HTT-AS: variants seen among roughly 807,000 people sequenced by gnomAD.
The protein encoded by HTT-AS is HTT antisense RNA.
At chr4:3,072,575 G>A (rs1712200188) in intron 1 of HTT-AS, among the ~76,000 whole-genome samples, 1 of 152,202 alleles carries the variant, frequency 6.6e-6, no homozygotes, top group Non-Finnish European at 1.5e-5. Flanking sequence ...TAACAACCTT[G>A]AGGCCTGACA....
chr4:3,072,092 C>T (rs1050386206), intron 1 of HTT-AS, among the ~76,000 whole-genome samples: 12 of 152,342 alleles, frequency 7.9e-5, no homozygotes, highest in African/African-American at 2.9e-4. Context: ...TATCGTCACA[C>T]GTTCTGTGGG....
chr4:3,056,301 A>G (rs1330061659), intron 2 of HTT-AS, among the ~76,000 whole-genome samples: 1 of 152,246 alleles, frequency 6.6e-6, no homozygotes, highest in Non-Finnish European at 1.5e-5. Context: ...GGGATGCTTC[A>G]TGGTCAGAAC....
chr4:3,058,346 G>A (rs990445583), intron 2 of HTT-AS, among the ~76,000 whole-genome samples: 18 of 151,552 alleles, frequency 1.2e-4, no homozygotes, highest in African/African-American at 4.4e-4. Flanking sequence ...AAAAAAAATA[G>A]AACATATAGG....
At chr4:3,054,746 G>C (rs546413377) in intron 2 of HTT-AS, among the ~76,000 whole-genome samples, 1 of 150,200 alleles carries the variant, frequency 6.7e-6, no homozygotes, top group East Asian at 2.0e-4. Context: ...ATGGAGTCTC[G>C]CTCTGTCACC....
intron 1 of HTT-AS, among the ~76,000 whole-genome samples, chr4:3,068,639 A>G (rs947570388): frequency 6.6e-6 from 1 of 150,548 alleles, no homozygotes; most frequent in Non-Finnish European, 1.5e-5. Context: ...TTTGTAACAT[A>G]TATGTGTGTG....
At chr4:3,046,181 A>T (rs551161495), downstream of HTT-AS, among the ~76,000 whole-genome samples, 1 of 152,330 alleles carries the variant, frequency 6.6e-6, no homozygotes, top group East Asian at 1.9e-4. Flanking sequence ...CGATTCACGA[A>T]TTGGGCAGCC....
chr4:3,067,056 T>C (rs1288534012), intron 1 of HTT-AS, among the ~76,000 whole-genome samples: 2 of 152,176 alleles, frequency 1.3e-5, no homozygotes, highest in South Asian at 2.1e-4. Flanking sequence ...CAGCATACTT[T>C]AGAGTCAGTA....
At chr4:3,059,934 T>TTTTTTTTTG in intron 2 of HTT-AS, among the ~76,000 whole-genome samples, 1 of 151,414 alleles carries the variant, frequency 6.6e-6, no homozygotes. Context: ...GTTTTTTTTT[T>TTTTTTTTTG]TGAGACGGAG....
downstream of HTT-AS, among the ~76,000 whole-genome samples, chr4:3,047,585 AGTG>A (rs1711615974): frequency 6.6e-6 from 1 of 152,188 alleles, no homozygotes. Context: ...TCCCTGGTCT[AGTG>A]GTAATGACAG....
chr4:3,046,637 T>C (rs192166938), downstream of HTT-AS, among the ~76,000 whole-genome samples: 435 of 152,364 alleles, frequency 2.9e-3, 6 homozygotes, highest in South Asian at 0.019. Flanking sequence ...AATGTACTTA[T>C]TTGGTCCTGA....
chr4:3,072,334 C>T (rs902839980), intron 1 of HTT-AS, among the ~76,000 whole-genome samples: 1 of 152,276 alleles, frequency 6.6e-6, no homozygotes, highest in Non-Finnish European at 1.5e-5. Context: ...AACATGGCAG[C>T]TGACTTCATC....
exon 3 of HTT-AS, among the ~76,000 whole-genome samples, chr4:3,049,313 A>G (rs1189396280): frequency 6.6e-6 from 1 of 152,052 alleles, no homozygotes; most frequent in Non-Finnish European, 1.5e-5. Context: ...AATACCAGCT[A>G]CTCGGAAGGC....
chr4:3,051,098 T>TCTTTCAC (rs1711696414), intron 2 of HTT-AS, among the ~76,000 whole-genome samples: 1 of 147,630 alleles, frequency 6.8e-6, no homozygotes, highest in African/African-American at 2.5e-5. Flanking sequence ...TGGAGTTTCA[T>TCTTTCAC]TCTTGTTGCC....
intron 2 of HTT-AS, among the ~76,000 whole-genome samples, chr4:3,054,413 A>G (rs1232348423): frequency 6.6e-6 from 1 of 152,186 alleles, no homozygotes; most frequent in Non-Finnish European, 1.5e-5. Flanking sequence ...CCATTATAAC[A>G]TGTAATTGAA....
intron 1 of HTT-AS, among the ~76,000 whole-genome samples, chr4:3,068,890 G>T (rs1197232570): frequency 1.3e-5 from 2 of 152,130 alleles, no homozygotes; most frequent in Non-Finnish European, 2.9e-5. Flanking sequence ...CCTGACCTCA[G>T]GTGATCCACC....
downstream of HTT-AS, among the ~76,000 whole-genome samples, chr4:3,046,807 ACTC>A (rs1711592283): frequency 6.6e-6 from 1 of 151,822 alleles, no homozygotes; most frequent in Admixed American, 6.6e-5. Flanking sequence ...AGCATGAGTG[ACTC>A]CATTTTTGTT....
At chr4:3,052,659 C>A (rs974463753) in intron 2 of HTT-AS, among the ~76,000 whole-genome samples, 2 of 152,070 alleles carry the variant, frequency 1.3e-5, no homozygotes, top group African/African-American at 4.8e-5. Flanking sequence ...GGGCTGACTC[C>A]CTCTTTTTTG....
chr4:3,059,687 C>T (rs561231472), intron 2 of HTT-AS, among the ~76,000 whole-genome samples: 2 of 151,688 alleles, frequency 1.3e-5, no homozygotes, highest in African/African-American at 4.8e-5. Context: ...CCTCCCTCCT[C>T]AGCCTCCTGA....
At chr4:3,051,843 A>G (rs1711709885) in intron 2 of HTT-AS, among the ~76,000 whole-genome samples, 1 of 149,724 alleles carries the variant, frequency 6.7e-6, no homozygotes, top group Non-Finnish European at 1.5e-5. Context: ...CTCGCCGCTC[A>G]AGATGGCCCA....
Sources: gnomAD v4.1 joint callset for allele counts (sites outside exome capture counted in the v4.1 genomes callset) on GRCh38, gnomAD v4.1.1 for gene constraint, MANE v1.5 for transcripts, NCBI Gene and HGNC (gene_info 2026-07-23, HGNC 2026-07-21) for gene names.